Variants in OSBP2 observed in about 807,000 individuals in gnomAD.
OSBP2 encodes oxysterol binding protein 2, also known as oxysterol-binding protein 2.
Under a neutral mutation model 96.0 loss-of-function variants are expected in OSBP2, and 66 were observed. The observed-to-expected ratio is 0.69, with a 90% CI of 0.56 to 0.84. The LOEUF (loss-of-function observed/expected upper bound fraction) is 0.84, where lower values mean the gene tolerates loss of function less well. Among genes scored for constraint, OSBP2 ranks in the 40% least tolerant of loss-of-function variants. The pLI is 0.00. For synonymous variants in OSBP2, 525 were observed against 520.9 expected (o/e 1.01, Z -0.11); for missense variants, 1,038 against 1,222.7 (o/e 0.85, Z 2.25).
chr22:30,842,392 TGTTGATGGCTGGTGACTGATCAGC>T (rs2147036109), intron 2 of OSBP2, among the ~76,000 whole-genome samples: 1 of 152,304 alleles, frequency 6.6e-6, no homozygotes, highest in East Asian at 1.9e-4. Flanking sequence ...CTTGCCTTGA[TGTTGATGGCTGGTGACTGATCAGC>T]GTGGTGATTG....
intron 2 of OSBP2, among the ~76,000 whole-genome samples, chr22:30,745,143 A>G (rs2089982238): frequency 1.3e-5 from 2 of 152,352 alleles, no homozygotes; most frequent in East Asian, 1.9e-4. Flanking sequence ...CAGTTTACCA[A>G]AATTTTGGAA....
intron 2 of OSBP2, among the ~76,000 whole-genome samples, chr22:30,772,545 C>T (rs997931042): frequency 1.3e-5 from 2 of 152,186 alleles, no homozygotes. Context: ...GAAGTGTCAC[C>T]TTCAGAGCCT....
At chr22:30,703,757 T>C (rs1445818292) in intron 1 of OSBP2, among the ~76,000 whole-genome samples, 1 of 152,182 alleles carries the variant, frequency 6.6e-6, no homozygotes, top group African/African-American at 2.4e-5. Flanking sequence ...ATTACAGGTG[T>C]GAGCCATCGT....
chr22:30,887,992 CG>C (rs926182722), intron 4 of OSBP2, among the ~76,000 whole-genome samples: 4 of 151,922 alleles, frequency 2.6e-5, no homozygotes, highest in African/African-American at 7.3e-5. Flanking sequence ...GTTGAGAGAT[CG>C]GGGGGGCTTC....
chr22:30,696,175 C>G, intron 1 of OSBP2, among the ~76,000 whole-genome samples: 1 of 152,142 alleles, frequency 6.6e-6, no homozygotes, highest in East Asian at 1.9e-4. Flanking sequence ...TTATTCCAGA[C>G]CCAGCACGGG....
chr22:30,698,126 G>A (rs2089084430), intron 1 of OSBP2, among the ~76,000 whole-genome samples: 1 of 152,186 alleles, frequency 6.6e-6, no homozygotes, highest in South Asian at 2.1e-4. Flanking sequence ...AACCCTGACA[G>A]CAGCAGGGTG....
At chr22:30,703,470 G>T (rs189221858) in intron 1 of OSBP2, among the ~76,000 whole-genome samples, 1 of 147,864 alleles carries the variant, frequency 6.8e-6, no homozygotes, top group African/African-American at 2.5e-5. Flanking sequence ...CACCATGCCC[G>T]GCCTTATAGC....
At chr22:30,762,658 A>G (rs1177784280) in intron 2 of OSBP2, among the ~76,000 whole-genome samples, 1 of 152,232 alleles carries the variant, frequency 6.6e-6, no homozygotes, top group East Asian at 1.9e-4. Flanking sequence ...GCCAGCGTGA[A>G]TGCTGTACCT....
intron 2 of OSBP2, among the ~76,000 whole-genome samples, chr22:30,845,864 G>C (rs1430094306): frequency 1.5e-5 from 2 of 131,572 alleles, no homozygotes; most frequent in Non-Finnish European, 3.1e-5. Context: ...CTGGGTGACA[G>C]AGTGAGACTC....
chr22:30,766,960 T>C (rs2090278895), intron 2 of OSBP2, among the ~76,000 whole-genome samples: 1 of 151,912 alleles, frequency 6.6e-6, no homozygotes, highest in African/African-American at 2.4e-5. Flanking sequence ...AGCAGCACCT[T>C]GGATATAGTT....
chr22:30,831,270 A>G (rs1424223833), intron 2 of OSBP2, among the ~76,000 whole-genome samples: 1 of 152,270 alleles, frequency 6.6e-6, no homozygotes, highest in Non-Finnish European at 1.5e-5. Context: ...TGGCCAGTAT[A>G]ATGTGCCTTG....
At chr22:30,778,473 T>C (rs2090468666) in intron 2 of OSBP2, among the ~76,000 whole-genome samples, 1 of 152,132 alleles carries the variant, frequency 6.6e-6, no homozygotes, top group Non-Finnish European at 1.5e-5. Flanking sequence ...CCAGTTTTCT[T>C]ATCCTGCCGT....
At chr22:30,730,774 C>CTCTCTCTCTATA (rs1569100458) in intron 1 of OSBP2, among the ~76,000 whole-genome samples, 3 of 13,838 alleles carry the variant, frequency 2.2e-4, no homozygotes, top group African/African-American at 5.7e-4. Context: ...CTCTCTCTCT[C>CTCTCTCTCTATA]TATATATATA....
At chr22:30,861,112 T>C (rs542716584) in intron 2 of OSBP2, among the ~76,000 whole-genome samples, 1 of 152,274 alleles carries the variant, frequency 6.6e-6, no homozygotes, top group Admixed American at 6.5e-5. Context: ...CCTCTGGGAT[T>C]TGTGCTTGTC....
In OSBP2 at chr22:30,870,892, A is replaced by G. The variant is rs1488481028; in HGVS notation, c.1107+210A>G. 6.6e-6 allele frequency among the ~76,000 whole-genome samples: 1 copy of G among 152,104 alleles called. No individual in the cohort carries two copies. Among genetic ancestry groups the G allele is most frequent in the African/African-American group, 2.4e-5 (1 of 41,412 alleles). On this transcript the variant is annotated intron_variant, in intron 3 of 13. Transcript: ENST00000332585. The surrounding 1 kb of genome is among the most constrained non-coding windows in gnomAD (Gnocchi z 4.1). The stretch of plus-strand genomic sequence containing the variant: ...TCGTTGGGCAAGGACATTCTTCCTA[A>G]TTGTCTGGAGGAAACGAGTTGGTTG...
intron 1 of OSBP2, among the ~76,000 whole-genome samples, chr22:30,698,615 T>G (rs1310418245): frequency 6.6e-6 from 1 of 152,014 alleles, no homozygotes; most frequent in Admixed American, 6.6e-5. Flanking sequence ...ATTTTTTGTA[T>G]TTTTAGTAGA....
rs572176385 is a variant in OSBP2 at position 30,747,889 on chromosome 22, A to G, written c.853+6520A>G. On this transcript the variant is annotated intron_variant, in intron 2 of 13. Coordinates refer to ENST00000332585, the MANE Select transcript of OSBP2 (RefSeq NM_030758.4). ...TCTACAGTTATTTTTATTTTTATTT[A>G]TTTATATTTTGAGGTGGAGTCTTGC... is the stretch of plus-strand genomic sequence containing the variant. Among the ~76,000 whole-genome samples the G allele has an allele frequency of 2.0e-5, 3 of 152,002 alleles. No homozygotes were observed. The South Asian group carries it at 6.2e-4, about 32-fold the overall frequency.
At chr22:30,723,398 C>T (rs1460129918) in intron 1 of OSBP2, among the ~76,000 whole-genome samples, 3 of 151,816 alleles carry the variant, frequency 2.0e-5, no homozygotes, top group Non-Finnish European at 4.4e-5. Context: ...AGCCACCACA[C>T]CCAGCCTTAT....
At chr22:30,694,451 T>G, upstream of OSBP2, 1 of 1,355,880 alleles carries the variant, frequency 7.4e-7, no homozygotes, top group Non-Finnish European at 9.7e-7. Context: ...CCACCCGGCT[T>G]TCCTGGGTGG....
Sources: allele counts gnomAD v4.1 joint callset (sites outside exome capture counted in the v4.1 genomes callset), GRCh38; gene constraint gnomAD v4.1.1; non-coding constraint Gnocchi (gnomAD v3.1); transcripts MANE v1.5; gene names NCBI Gene and HGNC (gene_info 2026-07-23, HGNC 2026-07-21).